SASH1: variants seen among roughly 807,000 people sequenced by gnomAD.
The protein encoded by SASH1 is SAM and SH3 domain-containing protein 1.
SASH1 carries 44 observed loss-of-function variants against 125.2 expected under a neutral mutation model. The observed-to-expected ratio is 0.35, with a 90% CI of 0.28 to 0.45. The LOEUF (loss-of-function observed/expected upper bound fraction) is 0.45. SASH1 is among the 20% of genes least tolerant of loss of function. The pLI is 1.00. For synonymous variants in SASH1, 639 were observed against 649.1 expected (o/e 0.98, Z 0.24); for missense variants, 1,426 against 1,614.5 (o/e 0.88, Z 2.00).
intron 10 of SASH1, among the ~76,000 whole-genome samples, chr6:148,520,891 G>A (rs1349220002): frequency 1.3e-5 from 2 of 152,134 alleles, no homozygotes; most frequent in African/African-American, 4.8e-5. Flanking sequence ...ATTAGTAGAG[G>A]CAAGCAGAAA....
intron 8 of SASH1, chr6:148,512,987 A>G (rs1455835021): frequency 4.1e-6 from 4 of 985,374 alleles, no homozygotes; most frequent in Non-Finnish European, 4.8e-6. Context: ...AGTTGTTTAT[A>G]TCCCTTACTA....
the SASH1 span, among the ~76,000 whole-genome samples, chr6:148,260,339 G>T: frequency 6.6e-6 from 1 of 152,116 alleles, no homozygotes; most frequent in East Asian, 1.9e-4. Flanking sequence ...TGGGTGCCAT[G>T]ACTCATGCCT....
chr6:148,471,307 G>C, intron 5 of SASH1, 110 bp from the exon 6 acceptor site: 1 of 676,676 alleles, frequency 1.5e-6, no homozygotes, highest in Non-Finnish European at 2.5e-6. Context: ...TGAAATCAAA[G>C]TATTCCTACC....
At chr6:148,504,707 A>ATGGGGAGTCTACTT in intron 8 of SASH1, among the ~76,000 whole-genome samples, 1 of 151,884 alleles carries the variant, frequency 6.6e-6, no homozygotes. Context: ...ACCAGTATTT[A>ATGGGGAGTCTACTT]TGGGTGGGCA....
chr6:148,286,363 C>T (rs952098945), intron 1 of SASH1, among the ~76,000 whole-genome samples: 14 of 151,292 alleles, frequency 9.3e-5, no homozygotes, highest in Non-Finnish European at 1.5e-4. Flanking sequence ...ATGGTGCCAC[C>T]GCACTCCGGC....
chr6:148,310,671 C>T (rs1469795407), intron 1 of SASH1, among the ~76,000 whole-genome samples: 2 of 152,094 alleles, frequency 1.3e-5, no homozygotes, highest in Non-Finnish European at 2.9e-5. Context: ...ATTCAGTTAT[C>T]TCAAAACTCA....
intron 7 of SASH1, among the ~76,000 whole-genome samples, chr6:148,475,571 CACA>C (rs1364267985): frequency 5.3e-5 from 8 of 152,196 alleles, no homozygotes; most frequent in African/African-American, 1.4e-4. Flanking sequence ...TTAACACCGC[CACA>C]ACAACTACCA....
At chr6:148,262,133 C>T in the SASH1 span, among the ~76,000 whole-genome samples, 4 of 152,098 alleles carry the variant, frequency 2.6e-5, no homozygotes, top group Non-Finnish European at 5.9e-5. Flanking sequence ...CGGGCTTGCA[C>T]GCATTTCCCA....
chr6:148,339,097 G>T (rs1781249800), upstream of SASH1, among the ~76,000 whole-genome samples: 1 of 151,624 alleles, frequency 6.6e-6, no homozygotes, highest in African/African-American at 2.4e-5. Context: ...AACTAAGAGA[G>T]AAAAGAGTCG....
chr6:148,394,853 A>G lies in SASH1; in HGVS notation c.285+4591A>G, dbSNP rs1783884391. Among the ~76,000 whole-genome samples the G allele has an allele frequency of 2.0e-5, 3 of 152,158 alleles. 1 individual carries two copies. The highest frequency in any genetic ancestry group is 2.0e-4 in the Admixed American group (3 of 15,272). On this transcript the variant is annotated intron_variant, in intron 2 of 19. Transcript: ENST00000367467. ...GAGTTGGGGTTTCACCATGTTGGTCAGGCTGGTCTCAAACTCCTGATCTCA... is the reference window on the plus strand; with the variant it reads ...GAGTTGGGGTTTCACCATGTTGGTCGGGCTGGTCTCAAACTCCTGATCTCA...
At chr6:148,264,540 C>T in the SASH1 span, among the ~76,000 whole-genome samples, 1 of 152,234 alleles carries the variant, frequency 6.6e-6, no homozygotes, top group African/African-American at 2.4e-5. Context: ...AGAATTCACA[C>T]TCTTCACCAT....
the SASH1 span, among the ~76,000 whole-genome samples, chr6:148,203,986 T>C: frequency 6.6e-6 from 1 of 152,188 alleles, no homozygotes. Context: ...GGTGTCAGTT[T>C]GGGTTTTGTT....
intron 1 of SASH1, among the ~76,000 whole-genome samples, chr6:148,302,765 T>TGA (rs1247930763): frequency 3.0e-5 from 4 of 134,496 alleles, no homozygotes. Flanking sequence ...TTATATACTG[T>TGA]GTGTGTGTAT....
At chr6:148,362,136 C>T (rs1187867159) in intron 1 of SASH1, among the ~76,000 whole-genome samples, 16 of 151,604 alleles carry the variant, frequency 1.1e-4, no homozygotes, top group Admixed American at 2.0e-4. Flanking sequence ...TCCGTGTTAG[C>T]CAGGATGGTC....
chr6:148,364,113 G>A (rs1264945247), intron 1 of SASH1, among the ~76,000 whole-genome samples: 2 of 152,096 alleles, frequency 1.3e-5, no homozygotes, highest in East Asian at 3.9e-4. Flanking sequence ...GTAAAGGACT[G>A]CTCCCTCTGG....
chr6:148,216,677 G>A, the SASH1 span, among the ~76,000 whole-genome samples: 1 of 152,042 alleles, frequency 6.6e-6, no homozygotes, highest in African/African-American at 2.4e-5. Context: ...AGATGGCAGT[G>A]CTGAAGCCAG....
intron 1 of SASH1, among the ~76,000 whole-genome samples, chr6:148,293,707 A>C (rs1247435984): frequency 1.3e-5 from 2 of 152,168 alleles, no homozygotes; most frequent in Non-Finnish European, 2.9e-5. Flanking sequence ...AAGCCTGCTC[A>C]AGAGGTGCTG....
intron 4 of SASH1, among the ~76,000 whole-genome samples, chr6:148,465,980 T>C (rs1221240919): frequency 1.3e-5 from 2 of 152,204 alleles, no homozygotes; most frequent in African/African-American, 4.8e-5. Flanking sequence ...TTCCTTCGTG[T>C]TCATCCATGT....
intron 1 of SASH1, among the ~76,000 whole-genome samples, chr6:148,281,697 T>C (rs9377121): frequency 0.52 from 79,330 of 151,738 alleles, 20,909 homozygotes; most frequent in East Asian, 0.68. Flanking sequence ...CTGAGGTGGG[T>C]GGATCATGAG....
Sources: allele counts gnomAD v4.1 joint callset (sites outside exome capture counted in the v4.1 genomes callset), GRCh38; gene constraint gnomAD v4.1.1; transcripts MANE v1.5; gene names NCBI Gene and HGNC (gene_info 2026-07-23, HGNC 2026-07-21).